SLC6A13: variants seen among roughly 807,000 people sequenced by gnomAD.
SLC6A13 encodes the protein sodium- and chloride-dependent GABA transporter 2.
Under a neutral mutation model 72.9 loss-of-function variants are expected in SLC6A13, and 69 were observed. That is an observed-to-expected ratio of 0.95 (90% CI 0.78 to 1.16). SLC6A13 has a LOEUF of 1.16. Among genes scored for constraint, SLC6A13 ranks in the 50% most tolerant of loss-of-function variants. SLC6A13 has a pLI of 0.00. For synonymous variants in SLC6A13, 303 were observed against 303.0 expected (o/e 1.00, Z 0.00); for missense variants, 735 against 760.5 (o/e 0.97, Z 0.39).
At chr12:227,754 C>T (rs988775471) in intron 7 of SLC6A13, 86 bp from the exon 8 acceptor site, 1 of 1,155,224 alleles carries the variant, frequency 8.7e-7, no homozygotes, top group Non-Finnish European at 1.2e-6. Flanking sequence ...GTGGCTGAGC[C>T]AGACACTGGC....
chr12:230,638 G>A (rs1297075385), intron 7 of SLC6A13, among the ~76,000 whole-genome samples: 1 of 152,122 alleles, frequency 6.6e-6, no homozygotes, highest in African/African-American at 2.4e-5. Context: ...CATATTCTTT[G>A]GGAACTATCA....
intron 7 of SLC6A13, among the ~76,000 whole-genome samples, chr12:232,164 A>G (rs1266525492): frequency 2.6e-5 from 4 of 152,194 alleles, no homozygotes; most frequent in African/African-American, 9.6e-5. Flanking sequence ...GCTGATCAGG[A>G]CAAAGCCATG....
chr12:226,353 A>G (rs777433185), intron 9 of SLC6A13, 37 bp downstream of exon 9: 3 of 1,612,540 alleles, frequency 1.9e-6, no homozygotes, highest in South Asian at 2.2e-5. Flanking sequence ...GGTTTGAACC[A>G]GGCTCACTGC....
chr12:257,611 CCA>C (rs1336161148), intron 2 of SLC6A13, among the ~76,000 whole-genome samples: 4 of 152,154 alleles, frequency 2.6e-5, no homozygotes, highest in Non-Finnish European at 5.9e-5. Context: ...CTCCACCTCC[CCA>C]CACAGGACCC....
At chr12:253,404 C>A (rs1278142205) in intron 2 of SLC6A13, 2 of 152,290 alleles carry the variant, frequency 1.3e-5, no homozygotes, top group Non-Finnish European at 2.9e-5. Flanking sequence ...TCACTCACTG[C>A]TAAATTAACC....
intron 7 of SLC6A13, among the ~76,000 whole-genome samples, chr12:229,279 C>T (rs1941606543): frequency 6.6e-6 from 1 of 152,214 alleles, no homozygotes; most frequent in African/African-American, 2.4e-5. Context: ...TGTCTCACTT[C>T]TCCCCGTTTA....
chr12:222,093 G>T (rs1475894050), intron 13 of SLC6A13, among the ~76,000 whole-genome samples: 2 of 152,222 alleles, frequency 1.3e-5, no homozygotes, highest in African/African-American at 4.8e-5. Context: ...AGTTTCATCT[G>T]TAACACCAGT....
chr12:226,537 G>A (rs1260238773), intron 8 of SLC6A13, 23 bp from the exon 9 acceptor site: 2 of 1,611,062 alleles, frequency 1.2e-6, no homozygotes, highest in East Asian at 2.2e-5. Context: ...GGTGAGGAGA[G>A]GGCGGAATGG....
rs1941168717 is a variant in SLC6A13 at position 220,735 on chromosome 12, T to G, written c.*213A>C. 1 of 557,668 alleles carries G rather than the reference T, an allele frequency of 1.8e-6. No homozygotes were observed. Among genetic ancestry groups the G allele is most frequent in the Non-Finnish European group, 3.1e-6 (1 of 317,938 alleles). The allele number at this position is 557,668 out of a possible 1,614,324, so 34.5% of individuals were successfully genotyped here. A position where few individuals can be genotyped will look rare whatever the true frequency, so the allele number is the denominator to read the frequency against. On this transcript the variant is annotated 3_prime_UTR_variant, in exon 15 of 15. Coordinates refer to ENST00000343164, the MANE Select transcript of SLC6A13 (RefSeq NM_016615.5). Reference sequence around the variant, plus strand: ...CTTCCCAAGGGTCTCAGAGGGACACTCTTGGCACTGGCCTTTCACATCTGT... The same window carrying G: ...CTTCCCAAGGGTCTCAGAGGGACACGCTTGGCACTGGCCTTTCACATCTGT...
At chr12:246,013 G>A (rs1942335605) in intron 2 of SLC6A13, among the ~76,000 whole-genome samples, 1 of 152,090 alleles carries the variant, frequency 6.6e-6, no homozygotes, top group African/African-American at 2.4e-5. Context: ...AGCTACTTGG[G>A]AGGCTGAGGA....
chr12:225,379 G>A (rs1941403077), intron 9 of SLC6A13, among the ~76,000 whole-genome samples: 1 of 152,238 alleles, frequency 6.6e-6, no homozygotes, highest in South Asian at 2.1e-4. Flanking sequence ...GCCAGCCATG[G>A]CGGCTTATGC....
chr12:259,698 T>A, intron 2 of SLC6A13, 153 bp downstream of exon 2: 1 of 1,525,846 alleles, frequency 6.6e-7, no homozygotes, highest in South Asian at 1.3e-5. Context: ...TAGGTCTTAG[T>A]CTCTTACAGA....
chr12:222,615 C>T lies in SLC6A13; in HGVS notation c.1432G>A (p.Asp478Asn), dbSNP rs147388541. 5,955 of 1,606,904 alleles carry T rather than the reference C, an allele frequency of 3.7e-3. 11 individuals are homozygous for T. Among genetic ancestry groups the T allele is most frequent in the East Asian group, 4.6e-3 (208 of 44,868 alleles). The change falls in exon 13 of 15, where the codon GAC becomes AAC. Residue 478 changes from aspartate (D) to asparagine (N), a missense_variant. By Grantham distance (23) the Asp-to-Asn change is conservative (BLOSUM62 1). Transcript: ENST00000343164. ...AWVYGAKRFY[D>N]NIEDMIGYRP... ...TACCCAATCATGTCTTCGATGTTGT[C>T]GTAGAAGCGCTTGGCTCCTACCATG...
intron 9 of SLC6A13, among the ~76,000 whole-genome samples, chr12:225,118 T>A (rs904262027): frequency 3.3e-5 from 5 of 152,246 alleles, no homozygotes; most frequent in Admixed American, 1.3e-4. Flanking sequence ...GCGTGAATGT[T>A]TCTCTCGACT....
intron 6 of SLC6A13, among the ~76,000 whole-genome samples, chr12:235,462 T>C (rs1591837394): frequency 6.6e-6 from 1 of 152,206 alleles, no homozygotes; most frequent in East Asian, 1.9e-4. Flanking sequence ...TGGACACTTA[T>C]CAGTTTCCAA....
At position 254,901 on chromosome 12, in the gene SLC6A13, C is replaced by T. The variant is rs1191828810; in HGVS notation, c.202+4950G>A. Among the ~76,000 whole-genome samples, 1 of 152,178 alleles carries T rather than the reference C, an allele frequency of 6.6e-6. No homozygotes were observed. The highest frequency in any genetic ancestry group is 6.5e-5 in the Admixed American group (1 of 15,276). On this transcript the variant is annotated intron_variant, in intron 2 of 14. Coordinates refer to ENST00000343164, the MANE Select transcript of SLC6A13 (RefSeq NM_016615.5). This position sits in a 1 kb window ranked among gnomAD's most constrained non-coding sequence, Gnocchi z 4.4. ...GTGGCTTATGCCTGTAATCCCAGCA[C>T]TTTGGGAGGCCGAGGCAGGCAGATC...
chr12:257,626 G>C (rs1038621663), intron 2 of SLC6A13, among the ~76,000 whole-genome samples: 1 of 152,120 alleles, frequency 6.6e-6, no homozygotes, highest in Non-Finnish European at 1.5e-5. Flanking sequence ...CAGGACCCAC[G>C]TGAATGACCA....
intron 2 of SLC6A13, among the ~76,000 whole-genome samples, chr12:249,650 C>T (rs1942469392): frequency 6.6e-6 from 1 of 152,120 alleles, no homozygotes; most frequent in Non-Finnish European, 1.5e-5. Context: ...GCTCAAATGA[C>T]TTCAGTGGTG....
chr12:248,297 G>C (rs1246169600), intron 2 of SLC6A13, among the ~76,000 whole-genome samples: 1 of 74,236 alleles, frequency 1.3e-5, no homozygotes, highest in Non-Finnish European at 3.0e-5. Flanking sequence ...ACCATGCTGG[G>C]AGGCTGAGGC....
Sources: gnomAD v4.1 joint callset for allele counts (sites outside exome capture counted in the v4.1 genomes callset) on GRCh38, gnomAD v4.1.1 for gene constraint, Gnocchi (gnomAD v3.1) non-coding constraint, MANE v1.5 for transcripts, NCBI Gene and HGNC (gene_info 2026-07-23, HGNC 2026-07-21) for gene names.